LRP1B: variants seen among roughly 807,000 people sequenced by gnomAD.
LRP1B encodes the protein LDL receptor related protein 1B, also known as low-density lipoprotein receptor-related protein 1B.
LRP1B carries 217 observed loss-of-function variants against 556.6 expected under a neutral mutation model. The ratio of observed to expected loss-of-function variants is 0.39; its 90% CI spans 0.35 to 0.44. LRP1B has a LOEUF of 0.44. LRP1B is among the 20% of genes least tolerant of loss of function. The pLI, the probability that LRP1B is intolerant of heterozygous loss-of-function variation, is 1.00. For synonymous variants in LRP1B, 2,047 were observed against 1,865.8 expected (o/e 1.10, Z -2.50); for missense variants, 5,053 against 5,620.8 (o/e 0.90, Z 3.23).
At chr2:140,955,994 A>G (rs866178732) in intron 18 of LRP1B, among the ~76,000 whole-genome samples, 7 of 151,770 alleles carry the variant, frequency 4.6e-5, no homozygotes, top group Non-Finnish European at 7.4e-5. Flanking sequence ...ATCCTTCAAA[A>G]TTATGTATGT....
intron 51 of LRP1B, 78 bp from the exon 52 acceptor site, chr2:140,510,134 T>A: frequency 6.7e-7 from 1 of 1,484,552 alleles, no homozygotes. Context: ...TTTTCTACAG[T>A]AAGGGGGGAA....
At chr2:140,374,819 G>A (rs1012498342) in intron 68 of LRP1B, among the ~76,000 whole-genome samples, 5 of 152,028 alleles carry the variant, frequency 3.3e-5, no homozygotes, top group African/African-American at 4.8e-5. Context: ...TTTTAGGAGC[G>A]ATGAATGATT....
At chr2:140,433,812 T>C (rs1686054811) in intron 66 of LRP1B, among the ~76,000 whole-genome samples, 1 of 151,574 alleles carries the variant, frequency 6.6e-6, no homozygotes, top group Non-Finnish European at 1.5e-5. Flanking sequence ...AGTATCACTT[T>C]ATATTTCTTC....
Position 141,006,482 on chromosome 2 carries a change from A to G in LRP1B, c.2381-1025T>C, listed in dbSNP as rs151073121. ...AATTAGTCTTACAGGTTGGAAAGGA[A>G]AGGAAGAAAGTGTATTTACACTTGC... is the stretch of plus-strand genomic sequence containing the variant. On this transcript the variant is annotated intron_variant, in intron 14 of 90. Transcript: ENST00000389484. 4.1e-4 allele frequency among the ~76,000 whole-genome samples: 63 copies of G among 152,144 alleles called. 1 individual carries two copies. The highest frequency in any genetic ancestry group is 1.5e-3 in the African/African-American group (62 of 41,558).
chr2:141,399,979 T>G (rs1016963289), intron 3 of LRP1B, among the ~76,000 whole-genome samples: 1 of 152,114 alleles, frequency 6.6e-6, no homozygotes, highest in African/African-American at 2.4e-5. Context: ...TTTGTTGTTT[T>G]GGTTTGGTTT....
chr2:141,304,663 T>C (rs1460411453), intron 3 of LRP1B, among the ~76,000 whole-genome samples: 1 of 150,916 alleles, frequency 6.6e-6, no homozygotes, highest in Non-Finnish European at 1.5e-5. Flanking sequence ...TTTCTATATA[T>C]ATATATTTTT....
At chr2:141,950,416 G>C (rs189086209) in intron 1 of LRP1B, among the ~76,000 whole-genome samples, 6 of 152,262 alleles carry the variant, frequency 3.9e-5, no homozygotes, top group Admixed American at 2.6e-4. Flanking sequence ...ATTTCAGCAA[G>C]TAGCTTATGT....
intron 1 of LRP1B, among the ~76,000 whole-genome samples, chr2:142,029,876 T>C (rs1050732648): frequency 7.3e-5 from 11 of 150,732 alleles, no homozygotes; most frequent in Non-Finnish European, 1.5e-4. Flanking sequence ...TGCAATTAAT[T>C]TCTATTGTGA....
At chr2:140,935,264 GAAA>G (rs1038265993) in intron 20 of LRP1B, among the ~76,000 whole-genome samples, 3 of 152,062 alleles carry the variant, frequency 2.0e-5, no homozygotes, top group African/African-American at 7.2e-5. Context: ...AAAAGTCAAA[GAAA>G]ATGTGGATAA....
chr2:141,992,589 A>C (rs1429442548), intron 1 of LRP1B, among the ~76,000 whole-genome samples: 1 of 152,176 alleles, frequency 6.6e-6, no homozygotes, highest in Non-Finnish European at 1.5e-5. Context: ...ATGATTAAGA[A>C]ACATCTGTGT....
intron 41 of LRP1B, among the ~76,000 whole-genome samples, chr2:140,626,554 A>G (rs1205977913): frequency 6.6e-6 from 1 of 152,136 alleles, no homozygotes; most frequent in Non-Finnish European, 1.5e-5. Flanking sequence ...GTAACAATAA[A>G]TAAAATACAA....
At chr2:140,893,629 C>A (rs142622808) in intron 23 of LRP1B, among the ~76,000 whole-genome samples, 2 of 151,946 alleles carry the variant, frequency 1.3e-5, no homozygotes, top group Admixed American at 6.6e-5. Context: ...AATACATGAT[C>A]GTATTTTAGG....
At position 141,424,589 on chromosome 2, in the gene LRP1B, T is replaced by C. The variant is rs368518719; in HGVS notation, c.343+55807A>G. The stretch of plus-strand genomic sequence containing the variant: ...AATACAATTAAAAATAATTGCAATA[T>C]GCTTTATGTATTAATTACTTTGTAA... On this transcript the variant is annotated intron_variant, in intron 3 of 90. Coordinates refer to ENST00000389484, the MANE Select transcript of LRP1B (RefSeq NM_018557.3). Among the ~76,000 whole-genome samples, 10 of 152,310 alleles carry C rather than the reference T, an allele frequency of 6.6e-5. No homozygotes were observed. In the South Asian group the frequency reaches 1.2e-3, roughly 19 times the overall value.
chr2:140,995,810 C>T (rs1697229905), intron 15 of LRP1B, among the ~76,000 whole-genome samples: 1 of 151,934 alleles, frequency 6.6e-6, no homozygotes, highest in Non-Finnish European at 1.5e-5. Flanking sequence ...TCCAGGTTCT[C>T]TAAACAAATG....
chr2:140,730,449 G>A lies in LRP1B; in HGVS notation c.5759-13633C>T, dbSNP rs182023699. Among the ~76,000 whole-genome samples, 1,471 of 151,982 alleles carry A rather than the reference G, an allele frequency of 9.7e-3. 24 individuals are homozygous for A. The highest frequency in any genetic ancestry group is 0.034 in the African/African-American group (1,394 of 41,520). On this transcript the variant is annotated intron_variant, in intron 35 of 90. Transcript: ENST00000389484. ...ATATCTATTTTAATCCATTTTACAT[G>A]TACACATATATAAGACATGAACAAA...
intron 18 of LRP1B, among the ~76,000 whole-genome samples, chr2:140,963,126 C>T (rs950407234): frequency 7.2e-5 from 11 of 151,830 alleles, no homozygotes; most frequent in African/African-American, 2.7e-4. Context: ...TTTTTAAAAC[C>T]CCAACTTGGC....
intron 35 of LRP1B, among the ~76,000 whole-genome samples, chr2:140,762,986 C>A (rs1456045363): frequency 6.6e-6 from 1 of 152,068 alleles, no homozygotes; most frequent in Non-Finnish European, 1.5e-5. Context: ...ATCATTTAAT[C>A]TGTCAGTATA....
chr2:141,602,728 G>T (rs975783659), intron 2 of LRP1B, among the ~76,000 whole-genome samples: 1 of 152,106 alleles, frequency 6.6e-6, no homozygotes, highest in African/African-American at 2.4e-5. Flanking sequence ...AAGGAATAAT[G>T]GGCAGGGCCT....
chr2:140,314,884 T>C (rs937267804), intron 83 of LRP1B, 51 bp downstream of exon 83: 1 of 1,397,458 alleles, frequency 7.2e-7, no homozygotes, highest in Non-Finnish European at 9.7e-7. Flanking sequence ...TCGATTCATA[T>C]ATAAGGAAAA....
Sources: allele counts gnomAD v4.1 joint callset (sites outside exome capture counted in the v4.1 genomes callset), GRCh38; gene constraint gnomAD v4.1.1; transcripts MANE v1.5; gene names NCBI Gene and HGNC (gene_info 2026-07-23, HGNC 2026-07-21).